ZBTB7C: variants seen among roughly 807,000 people sequenced by gnomAD.
ZBTB7C encodes the protein zinc finger and BTB domain-containing protein 7C.
ZBTB7C carries 8 observed loss-of-function variants against 25.7 expected under a neutral mutation model. The ratio of observed to expected loss-of-function variants is 0.31; its 90% CI spans 0.18 to 0.56. The LOEUF is 0.56. ZBTB7C is among the 20% of genes least tolerant of loss of function. The pLI is 0.91. For synonymous variants in ZBTB7C, 394 were observed against 369.0 expected, an observed-to-expected ratio of 1.07 and a Z score of -0.78; for missense variants, 824 against 855.2, an observed-to-expected ratio of 0.96 and a Z score of 0.46.
intron 3 of ZBTB7C, among the ~76,000 whole-genome samples, chr18:48,082,981 G>C (rs904448146): frequency 2.0e-5 from 3 of 152,154 alleles, no homozygotes; most frequent in African/African-American, 7.2e-5. Flanking sequence ...CTGTACCTCA[G>C]TGTTCTTAAA....
At chr18:48,303,206 TGA>T (rs2045586616) in intron 2 of ZBTB7C, among the ~76,000 whole-genome samples, 1 of 152,206 alleles carries the variant, frequency 6.6e-6, no homozygotes, top group Admixed American at 6.5e-5. Context: ...TGATCTCTCA[TGA>T]GAGTGGAGGA....
chr18:48,318,828 A>AG (rs1209132792), intron 2 of ZBTB7C, among the ~76,000 whole-genome samples: 1 of 151,994 alleles, frequency 6.6e-6, no homozygotes, highest in Non-Finnish European at 1.5e-5. Context: ...CCTGGTATGG[A>AG]GGGGCCCCAA....
chr18:48,217,209 A>C (rs73955345), intron 2 of ZBTB7C, among the ~76,000 whole-genome samples: 11,018 of 152,220 alleles, frequency 0.072, 459 homozygotes, highest in Middle Eastern at 0.15. Flanking sequence ...TCAACTCAGT[A>C]TGTGTGATTT....
chr18:48,339,333 G>A (rs1478922882), intron 1 of ZBTB7C, among the ~76,000 whole-genome samples: 1 of 152,358 alleles, frequency 6.6e-6, no homozygotes, highest in South Asian at 2.1e-4. Flanking sequence ...CGTGGCAGAC[G>A]AAGAACATCC....
At position 48,295,788 on chromosome 18, in the gene ZBTB7C, C is replaced by T. The variant is rs1105718; in HGVS notation, c.-79+42386G>A. 3.3e-5 allele frequency among the ~76,000 whole-genome samples: 5 copies of T among 151,916 alleles called. No homozygotes were observed. The South Asian group carries it at 8.3e-4, about 25-fold the overall frequency. On this transcript the variant is annotated intron_variant, in intron 2 of 4. Transcript: ENST00000590800. The stretch of plus-strand genomic sequence containing the variant: ...GCAGCTGAAAGAGCCCCTCACTGTC[C>T]GCATTGGCTTCTCCTCCTCCCTCAG...
rs1214947449 is a variant in ZBTB7C at position 48,029,577 on chromosome 18, C to T, written c.1543G>A (p.Gly515Ser). 2.7e-6 allele frequency: 4 copies of T among 1,488,742 alleles called. No individual in the cohort carries two copies. Among genetic ancestry groups the T allele is most frequent in the African/African-American group, 2.9e-5 (2 of 68,336 alleles). 92.2% of individuals were successfully genotyped at this position (1,488,742 alleles called of 1,614,324 possible). The change falls in exon 5 of 5, where the codon GGC becomes AGC. Residue 515 changes from glycine (G) to serine (S), a missense_variant. Coordinates refer to ENST00000590800, the MANE Select transcript of ZBTB7C (RefSeq NM_001318841.2). ...ACAGCTGCGCCGCCCAGGTGGCCGC[C>T]CACCTCGCCCAGCGCAGGGGGCATC... The part of the protein sequence containing the change: ...FVMPPALGEV[G>S]GHLGGAAVCL...
At chr18:48,076,642 C>A (rs2037776042) in intron 3 of ZBTB7C, among the ~76,000 whole-genome samples, 1 of 152,192 alleles carries the variant, frequency 6.6e-6, no homozygotes, top group South Asian at 2.1e-4. Flanking sequence ...GCAAGAACCC[C>A]ATGGGCAGGG....
intron 3 of ZBTB7C, among the ~76,000 whole-genome samples, chr18:48,131,000 T>C (rs181653510): frequency 6.6e-6 from 1 of 152,232 alleles, no homozygotes; most frequent in African/African-American, 2.4e-5. Flanking sequence ...ACCTCCTGGG[T>C]TCAAGCGATT....
chr18:48,295,681 T>G (rs1469614758), intron 2 of ZBTB7C, among the ~76,000 whole-genome samples: 11 of 152,170 alleles, frequency 7.2e-5, no homozygotes, highest in Non-Finnish European at 1.5e-4. Context: ...TGGCTCACTT[T>G]GGGGCTGAAA....
At chr18:48,190,139 G>T (rs555454263) in intron 2 of ZBTB7C, among the ~76,000 whole-genome samples, 22 of 152,300 alleles carry the variant, frequency 1.4e-4, no homozygotes, top group South Asian at 6.2e-4. Flanking sequence ...ATGCTGGGAA[G>T]GTGGGAGTGC....
intron 1 of ZBTB7C, among the ~76,000 whole-genome samples, chr18:48,393,910 C>T (rs2047959019): frequency 6.6e-6 from 1 of 152,254 alleles, no homozygotes; most frequent in South Asian, 2.1e-4. Flanking sequence ...GCAGCATTTA[C>T]TTTCTAATTG....
At chr18:48,039,787 T>G in intron 4 of ZBTB7C, 113 bp downstream of exon 4, 4 of 1,107,402 alleles carry the variant, frequency 3.6e-6, no homozygotes, top group Admixed American at 1.8e-5. Context: ...CGAGCCTGCA[T>G]GTGTGTGGGA....
chr18:48,120,563 TCACGC>T (rs1306026991), intron 3 of ZBTB7C, among the ~76,000 whole-genome samples: 2 of 151,864 alleles, frequency 1.3e-5, no homozygotes, highest in African/African-American at 4.8e-5. Flanking sequence ...TGAGCCGAGA[TCACGC>T]CACTGCACTC....
At chr18:48,170,319 G>T (rs966657040) in intron 3 of ZBTB7C, among the ~76,000 whole-genome samples, 1 of 152,238 alleles carries the variant, frequency 6.6e-6, no homozygotes, top group African/African-American at 2.4e-5. Flanking sequence ...TTCCTATTCT[G>T]CAGGGGGCAT....
At chr18:48,229,339 A>G (rs1396123559) in intron 2 of ZBTB7C, among the ~76,000 whole-genome samples, 1 of 152,106 alleles carries the variant, frequency 6.6e-6, no homozygotes, top group Non-Finnish European at 1.5e-5. Context: ...ACCTTGATGG[A>G]TAGTTATACA....
intron 3 of ZBTB7C, among the ~76,000 whole-genome samples, chr18:48,153,396 ACT>A (rs2040738018): frequency 6.6e-6 from 1 of 151,748 alleles, no homozygotes; most frequent in South Asian, 2.1e-4. Flanking sequence ...GATTGCACCC[ACT>A]CTCTTTCTGT....
chr18:48,368,212 T>C (rs1230877740), intron 1 of ZBTB7C, among the ~76,000 whole-genome samples: 3 of 149,722 alleles, frequency 2.0e-5, no homozygotes, highest in Non-Finnish European at 1.5e-5. Flanking sequence ...TCTGAACCTG[T>C]TGCAACCAAT....
chr18:48,260,997 G>A (rs2144511230), intron 2 of ZBTB7C, among the ~76,000 whole-genome samples: 1 of 152,286 alleles, frequency 6.6e-6, no homozygotes, highest in East Asian at 1.9e-4. Flanking sequence ...AGGGCAGCAA[G>A]GAAAACACTG....
chr18:48,241,120 T>C (rs980271919), intron 2 of ZBTB7C, among the ~76,000 whole-genome samples: 3 of 151,942 alleles, frequency 2.0e-5, no homozygotes, highest in African/African-American at 7.2e-5. Flanking sequence ...CAAGATATAA[T>C]GATAAAAGGA....
Sources: gnomAD v4.1 joint callset for allele counts (sites outside exome capture counted in the v4.1 genomes callset) on GRCh38, gnomAD v4.1.1 for gene constraint, MANE v1.5 for transcripts, NCBI Gene and HGNC (gene_info 2026-07-23, HGNC 2026-07-21) for gene names.